Variants in MAPK14 observed in about 807,000 individuals in gnomAD.
MAPK14 encodes mitogen-activated protein kinase 14.
MAPK14 carries 16 observed loss-of-function variants against 49.6 expected under a neutral mutation model. The observed-to-expected ratio is 0.32, with a 90% CI of 0.22 to 0.49. The LOEUF (loss-of-function observed/expected upper bound fraction) is 0.49, where lower values mean the gene tolerates loss of function less well. Among genes scored for constraint, MAPK14 ranks in the 20% least tolerant of loss-of-function variants. MAPK14 has a pLI of 0.99. For synonymous variants in MAPK14, 142 were observed against 158.0 expected, an observed-to-expected ratio of 0.90 and a Z score of 0.76; for missense variants, 200 against 441.2, an observed-to-expected ratio of 0.45 and a Z score of 4.90.
chr6:36,055,399 TTAAAG>T, intron 2 of MAPK14, among the ~76,000 whole-genome samples: 1 of 152,196 alleles, frequency 6.6e-6, no homozygotes, highest in East Asian at 1.9e-4. Context: ...GGATACTGAG[TTAAAG>T]TATTTTTTTT....
chr6:36,082,771 A>T (rs1292651365), intron 8 of MAPK14, among the ~76,000 whole-genome samples: 4 of 152,188 alleles, frequency 2.6e-5, no homozygotes, highest in African/African-American at 9.6e-5. Flanking sequence ...ACATACTTGG[A>T]GGGGACAAAA....
intron 8 of MAPK14, chr6:36,092,508 G>A: frequency 3.6e-6 from 2 of 547,978 alleles, no homozygotes; most frequent in Non-Finnish European, 6.9e-6. Context: ...ATGTTTCACT[G>A]AGTCCCAAGT....
At chr6:36,082,806 TCA>T (rs963643690) in intron 8 of MAPK14, among the ~76,000 whole-genome samples, 17 of 152,298 alleles carry the variant, frequency 1.1e-4, no homozygotes, top group African/African-American at 4.1e-4. Flanking sequence ...CACCTTCTGT[TCA>T]CAGTTTTCTG....
intron 8 of MAPK14, among the ~76,000 whole-genome samples, chr6:36,077,547 C>T (rs886300583): frequency 6.6e-6 from 1 of 151,950 alleles, no homozygotes; most frequent in Non-Finnish European, 1.5e-5. Context: ...AATTCACTTG[C>T]TTACAGTTTG....
intron 6 of MAPK14, among the ~76,000 whole-genome samples, chr6:36,074,687 C>G (rs1051593307): frequency 3.9e-5 from 6 of 151,912 alleles, no homozygotes; most frequent in African/African-American, 1.5e-4. Context: ...GTGATCTTGG[C>G]TCACTGCAAC....
At chr6:36,059,408 C>G in intron 3 of MAPK14, 61 bp downstream of exon 3, 1 of 1,177,904 alleles carries the variant, frequency 8.5e-7, no homozygotes, top group South Asian at 1.2e-5. Flanking sequence ...TAGCCCATTT[C>G]TATTCCTGAA....
At position 36,028,604 on chromosome 6, in the gene MAPK14, G is replaced by A. The variant is rs1186521258; in HGVS notation, c.116+331G>A. On this transcript the variant is annotated intron_variant, in intron 1 of 11. Coordinates refer to ENST00000229794, the MANE Select transcript of MAPK14 (RefSeq NM_139012.3). This position sits in a 1 kb window ranked among gnomAD's most constrained non-coding sequence, Gnocchi z 5.1. The stretch of plus-strand genomic sequence containing the variant: ...CACCGGGGGAAGGGCCGCTTCCTTG[G>A]GGGTCTCCCTGCCTACCTGGAGCAG... Among the ~76,000 whole-genome samples, 2 of 152,138 alleles carry A rather than the reference G, an allele frequency of 1.3e-5. No homozygotes were observed. The highest frequency in any genetic ancestry group is 2.9e-5 in the Non-Finnish European group (2 of 68,020).
the MAPK14 span, among the ~76,000 whole-genome samples, chr6:36,122,961 G>GA: frequency 6.6e-6 from 1 of 152,136 alleles, no homozygotes; most frequent in African/African-American, 2.4e-5. Context: ...AGCCTGTGGA[G>GA]GGGGAAGCGG....
chr6:36,041,637 G>A (rs183335493), intron 1 of MAPK14, among the ~76,000 whole-genome samples: 79 of 152,220 alleles, frequency 5.2e-4, no homozygotes, highest in African/African-American at 1.6e-3. Flanking sequence ...TATGTGAAGC[G>A]GATGTCATCA....
intron 8 of MAPK14, among the ~76,000 whole-genome samples, chr6:36,091,820 A>G (rs939597937): frequency 2.0e-5 from 3 of 150,132 alleles, no homozygotes; most frequent in African/African-American, 7.3e-5. Flanking sequence ...GTTGAAAAGC[A>G]TAATATGGCT....
At chr6:36,062,624 C>G (rs1581771486) in intron 3 of MAPK14, among the ~76,000 whole-genome samples, 2 of 149,102 alleles carry the variant, frequency 1.3e-5, no homozygotes. Flanking sequence ...TCTATAATTA[C>G]TTTCAGATTT....
intron 9 of MAPK14, chr6:36,100,086 T>A (rs927127394): frequency 2.3e-5 from 18 of 785,416 alleles, no homozygotes; most frequent in Admixed American, 3.7e-5. Context: ...GGGTAGGTTT[T>A]TTTGTCTGTT....
intron 10 of MAPK14, among the ~76,000 whole-genome samples, chr6:36,104,606 C>T (rs1005470186): frequency 2.2e-4 from 33 of 152,276 alleles, no homozygotes; most frequent in African/African-American, 7.0e-4. Context: ...CCAGGATGGT[C>T]TCGATCTCCT....
At chr6:36,088,600 T>G (rs1765086703) in intron 8 of MAPK14, among the ~76,000 whole-genome samples, 1 of 151,880 alleles carries the variant, frequency 6.6e-6, no homozygotes, top group Non-Finnish European at 1.5e-5. Flanking sequence ...TGTGCGCCTG[T>G]AGTCCCAGCT....
downstream of MAPK14, among the ~76,000 whole-genome samples, chr6:36,114,746 A>T (rs1393758712): frequency 6.6e-6 from 1 of 151,176 alleles, no homozygotes; most frequent in Non-Finnish European, 1.5e-5. Flanking sequence ...TTCATTTCTT[A>T]AAAAAAAACA....
rs747908432 is a variant in MAPK14, at chr6:36,028,187, G to C, written c.30G>C (p.Arg10=). The C allele has an allele frequency of 4.3e-6, 7 of 1,613,734 alleles. No individual in the cohort carries two copies. In the Admixed American group the frequency reaches 1.2e-4, roughly 27 times the overall value. Residue 10 remains arginine (R), a synonymous_variant, in exon 1 of 12, where the codon CGG becomes CGC. Coordinates refer to ENST00000229794, the MANE Select transcript of MAPK14 (RefSeq NM_139012.3). The surrounding 1 kb of genome is among the most constrained non-coding windows in gnomAD (Gnocchi z 5.1). The part of the protein sequence containing the change: MSQERPTFY[R]QELNKTIWEV... ...CTCAGGAGAGGCCCACGTTCTACCG[G>C]CAGGAGCTGAACAAGACAATCTGGG...
chr6:36,066,993 A>G (rs9368899), intron 3 of MAPK14, among the ~76,000 whole-genome samples: 16,430 of 152,154 alleles, frequency 0.11, 1,669 homozygotes, highest in East Asian at 0.51. Flanking sequence ...GAAGTGGTCT[A>G]GGAAAAAGAT....
intron 1 of MAPK14, among the ~76,000 whole-genome samples, chr6:36,029,609 C>G (rs1762458291): frequency 6.6e-6 from 1 of 152,102 alleles, no homozygotes. Flanking sequence ...ATGTGTTAAT[C>G]TTTAAATATG....
At chr6:36,047,715 A>G (rs911373151) in intron 1 of MAPK14, among the ~76,000 whole-genome samples, 5 of 149,764 alleles carry the variant, frequency 3.3e-5, no homozygotes, top group African/African-American at 9.8e-5. Context: ...GTAGCTGGGC[A>G]TGGTGGCCCA....
Sources: allele counts gnomAD v4.1 joint callset (sites outside exome capture counted in the v4.1 genomes callset), GRCh38; gene constraint gnomAD v4.1.1; non-coding constraint Gnocchi (gnomAD v3.1); transcripts MANE v1.5; gene names NCBI Gene and HGNC (gene_info 2026-07-23, HGNC 2026-07-21).